GALNTL6: variants seen among roughly 807,000 people sequenced by gnomAD.
GALNTL6 encodes polypeptide N-acetylgalactosaminyltransferase like 6.
GALNTL6 carries 46 observed loss-of-function variants against 73.7 expected under a neutral mutation model. The ratio of observed to expected loss-of-function variants is 0.62; its 90% CI spans 0.49 to 0.80. GALNTL6 has a LOEUF of 0.80. Among genes scored for constraint, GALNTL6 ranks in the 30% least tolerant of loss-of-function variants. The pLI, the probability that GALNTL6 is intolerant of heterozygous loss-of-function variation, is 0.00. For missense variants in GALNTL6, 604 were observed against 755.0 expected (o/e 0.80, Z 2.34); for synonymous variants, 259 against 263.7 (o/e 0.98, Z 0.17).
At chr4:172,904,305 C>T (rs1746770641) in intron 8 of GALNTL6, among the ~76,000 whole-genome samples, 4 of 152,200 alleles carry the variant, frequency 2.6e-5, no homozygotes, top group Admixed American at 2.6e-4. Context: ...AAATAGAGAG[C>T]GATGGTTAAT....
chr4:171,949,749 G>T (rs561612025), intron 2 of GALNTL6, among the ~76,000 whole-genome samples: 248 of 152,228 alleles, frequency 1.6e-3, no homozygotes, highest in Non-Finnish European at 2.4e-3. Context: ...TTAAGTAGTT[G>T]ATATGAAATT....
chr4:172,642,164 T>C lies in GALNTL6; in HGVS notation c.554-167197T>C, dbSNP rs573677502. ...AGTACAACCATTGTAGAAAACAGTA[T>C]GAAGCTTCCTCAAAAAATTTTTAAA... On this transcript the variant is annotated intron_variant, in intron 5 of 12. Coordinates refer to ENST00000506823, the MANE Select transcript of GALNTL6 (RefSeq NM_001034845.3). 2.0e-5 allele frequency among the ~76,000 whole-genome samples: 3 copies of C among 152,142 alleles called. No homozygotes were observed. The East Asian group carries it at 5.8e-4, about 29-fold the overall frequency.
chr4:172,790,589 C>G (rs563697847), intron 5 of GALNTL6, among the ~76,000 whole-genome samples: 1 of 152,268 alleles, frequency 6.6e-6, no homozygotes, highest in South Asian at 2.1e-4. Flanking sequence ...AGTATTTTAT[C>G]ATGGCAGCTC....
intron 2 of GALNTL6, among the ~76,000 whole-genome samples, chr4:172,168,400 G>A (rs1734699640): frequency 6.6e-6 from 1 of 152,164 alleles, no homozygotes; most frequent in South Asian, 2.1e-4. Context: ...TCCTGCCTCA[G>A]CCTAAAGTTT....
rs78282305 is a variant in GALNTL6 at position 172,633,809 on chromosome 4, A to G, written c.554-175552A>G. Among the ~76,000 whole-genome samples, 1,304 of 152,286 alleles carry G rather than the reference A, an allele frequency of 8.6e-3. 16 individuals carry two copies. Among genetic ancestry groups the G allele is most frequent in the African/African-American group, 0.026 (1,096 of 41,558 alleles). The stretch of plus-strand genomic sequence containing the variant: ...GTGGAGATGATTGAATCATGAGGGC[A>G]GTTTTGCCCATACTGTTCTCGTGGT... On this transcript the variant is annotated intron_variant, in intron 5 of 12. Coordinates refer to ENST00000506823, the MANE Select transcript of GALNTL6 (RefSeq NM_001034845.3).
intron 2 of GALNTL6, among the ~76,000 whole-genome samples, chr4:172,163,196 G>T (rs1316457124): frequency 2.6e-5 from 4 of 152,044 alleles, no homozygotes; most frequent in Admixed American, 2.6e-4. Context: ...ATAATTATAA[G>T]AAATGTTTCT....
At chr4:172,406,419 T>C (rs1744239051) in intron 5 of GALNTL6, among the ~76,000 whole-genome samples, 1 of 151,856 alleles carries the variant, frequency 6.6e-6, no homozygotes, top group Non-Finnish European at 1.5e-5. Flanking sequence ...AACTAGAAAA[T>C]TTAAATAATA....
At chr4:172,164,632 T>C (rs1224144432) in intron 2 of GALNTL6, among the ~76,000 whole-genome samples, 1 of 152,042 alleles carries the variant, frequency 6.6e-6, no homozygotes, top group Non-Finnish European at 1.5e-5. Context: ...TCTCGTTTGA[T>C]CCTCAGTCCC....
intron 2 of GALNTL6, among the ~76,000 whole-genome samples, chr4:172,203,081 G>A (rs531063430): frequency 6.6e-6 from 1 of 152,222 alleles, no homozygotes; most frequent in African/African-American, 2.4e-5. Flanking sequence ...GTGTACATTT[G>A]GCTAAATAAA....
chr4:172,227,324 C>T (rs1185744160), intron 2 of GALNTL6, among the ~76,000 whole-genome samples: 4 of 152,170 alleles, frequency 2.6e-5, no homozygotes, highest in African/African-American at 7.2e-5. Context: ...ATGTTTGATA[C>T]ATAGGCTAAC....
chr4:172,725,214 A>G (rs1187459383), intron 5 of GALNTL6, among the ~76,000 whole-genome samples: 1 of 152,208 alleles, frequency 6.6e-6, no homozygotes, highest in Admixed American at 6.5e-5. Context: ...CAGAATATCT[A>G]TGAGGATTAA....
intron 9 of GALNTL6, among the ~76,000 whole-genome samples, chr4:172,949,267 A>G (rs1749321124): frequency 6.6e-6 from 1 of 152,248 alleles, no homozygotes; most frequent in Non-Finnish European, 1.5e-5. Flanking sequence ...AAATAGATCT[A>G]TCCCTAACTT....
At chr4:172,177,755 G>GTGTACA (rs1554000036) in intron 2 of GALNTL6, among the ~76,000 whole-genome samples, 4 of 54,828 alleles carry the variant, frequency 7.3e-5, no homozygotes, top group Admixed American at 2.4e-4. Flanking sequence ...GTATATATAT[G>GTGTACA]TGTGTATATA....
chr4:172,528,020 A>C (rs1735021043), intron 5 of GALNTL6, among the ~76,000 whole-genome samples: 1 of 151,840 alleles, frequency 6.6e-6, no homozygotes, highest in African/African-American at 2.4e-5. Context: ...TTAACTTAAA[A>C]CTAAAATTGT....
At chr4:172,694,764 G>A (rs1295884926) in intron 5 of GALNTL6, among the ~76,000 whole-genome samples, 2 of 152,154 alleles carry the variant, frequency 1.3e-5, no homozygotes, top group African/African-American at 4.8e-5. Flanking sequence ...CCTTACGTAT[G>A]CATTTTGTAT....
At chr4:172,970,196 GC>G (rs1192085078) in intron 10 of GALNTL6, among the ~76,000 whole-genome samples, 8 of 152,274 alleles carry the variant, frequency 5.3e-5, no homozygotes, top group African/African-American at 1.7e-4. Flanking sequence ...CAAGGCAAGG[GC>G]AAAACTAGAA....
chr4:172,112,496 A>C (rs2110981623), intron 2 of GALNTL6, among the ~76,000 whole-genome samples: 1 of 152,118 alleles, frequency 6.6e-6, no homozygotes, highest in South Asian at 2.1e-4. Context: ...AGGCTGTATC[A>C]TTTTTGATTC....
chr4:172,760,707 GC>G (rs1738032494), intron 5 of GALNTL6, among the ~76,000 whole-genome samples: 2 of 152,246 alleles, frequency 1.3e-5, no homozygotes, highest in South Asian at 2.1e-4. Context: ...TCAGCCAGCT[GC>G]ACTCACACTG....
intron 5 of GALNTL6, among the ~76,000 whole-genome samples, chr4:172,782,511 G>T (rs986114068): frequency 4.6e-5 from 7 of 152,104 alleles, no homozygotes; most frequent in Non-Finnish European, 8.8e-5. Flanking sequence ...TTCAGTAGGT[G>T]TGCATAAAAT....
Sources: gnomAD v4.1 joint callset for allele counts (sites outside exome capture counted in the v4.1 genomes callset) on GRCh38, gnomAD v4.1.1 for gene constraint, MANE v1.5 for transcripts, NCBI Gene and HGNC (gene_info 2026-07-23, HGNC 2026-07-21) for gene names.